Variants in BBX observed in about 807,000 individuals in gnomAD.
BBX encodes HMG box transcription factor BBX.
In BBX, 30 loss-of-function variants were observed where a neutral mutation model predicts 100.2. The observed-to-expected ratio is 0.30, with a 90% CI of 0.22 to 0.41. The LOEUF is 0.41. Among genes scored for constraint, BBX ranks in the 10% least tolerant of loss-of-function variants. The pLI is 1.00. For synonymous variants in BBX, 376 were observed against 388.1 expected (o/e 0.97, Z 0.37); for missense variants, 1,023 against 1,129.8 (o/e 0.91, Z 1.35).
At chr3:107,575,055 T>G (rs557401786) in intron 2 of BBX, among the ~76,000 whole-genome samples, 1 of 152,322 alleles carries the variant, frequency 6.6e-6, no homozygotes, top group Non-Finnish European at 1.5e-5. Context: ...AACAGCTGTT[T>G]CCACCCTTAG....
intron 3 of BBX, chr3:107,674,686 G>A (rs1004772603): frequency 3.9e-5 from 6 of 152,642 alleles, no homozygotes; most frequent in Non-Finnish European, 1.5e-5. Context: ...TTGTATAGAA[G>A]AGGAGCCAAA....
intron 6 of BBX, among the ~76,000 whole-genome samples, chr3:107,730,993 C>T (rs1227999083): frequency 6.6e-6 from 1 of 152,126 alleles, no homozygotes; most frequent in Non-Finnish European, 1.5e-5. Context: ...TAGTCCTTGT[C>T]ACATGACATT....
intron 1 of BBX, among the ~76,000 whole-genome samples, chr3:107,525,923 G>A (rs527341514): frequency 3.3e-5 from 5 of 152,306 alleles, no homozygotes; most frequent in Middle Eastern, 3.4e-3. Context: ...GGCGAGGCTC[G>A]GGCTGCCTAT....
chr3:107,565,414 T>G (rs1224613682), intron 2 of BBX, among the ~76,000 whole-genome samples: 2 of 150,798 alleles, frequency 1.3e-5, no homozygotes, highest in African/African-American at 2.4e-5. Context: ...AGTCTAATAT[T>G]TATTTCACTA....
chr3:107,562,466 ATAAG>A (rs1268838038), intron 2 of BBX, among the ~76,000 whole-genome samples: 3 of 152,184 alleles, frequency 2.0e-5, no homozygotes, highest in African/African-American at 4.8e-5. Context: ...AATTGTCTAT[ATAAG>A]TAATAAAAAT....
chr3:107,727,385 G>C (rs941384739), intron 5 of BBX, among the ~76,000 whole-genome samples: 1 of 152,100 alleles, frequency 6.6e-6, no homozygotes, highest in Non-Finnish European at 1.5e-5. Flanking sequence ...CACTGTGGTA[G>C]TGTGTCTCTT....
chr3:107,742,140 T>C (rs1396384917), intron 7 of BBX, among the ~76,000 whole-genome samples: 2 of 152,178 alleles, frequency 1.3e-5, no homozygotes, highest in African/African-American at 4.8e-5. Flanking sequence ...AATTATTGCA[T>C]TGAGCTGATG....
At position 107,805,297 on chromosome 3, in the gene BBX, G is replaced by A. The variant is rs554395233; in HGVS notation, c.2739-73G>A. On this transcript the variant is annotated intron_variant, in intron 17 of 17. Coordinates refer to ENST00000325805, the MANE Select transcript of BBX (RefSeq NM_001142568.3). ...TTAAACAAGATATTGGAACACACTT[G>A]TTATTCATCGTCCTCTCCTGTCTCT... 23 of 1,439,580 alleles carry A rather than the reference G, an allele frequency of 1.6e-5. No homozygotes were observed. In the South Asian group the frequency reaches 2.8e-4, roughly 17 times the overall value. 89.2% of individuals were successfully genotyped at this position (1,439,580 alleles called of 1,614,324 possible). A position where few individuals can be genotyped will look rare whatever the true frequency, so the allele number is the denominator to read the frequency against.
chr3:107,730,853 A>G (rs1248684098), intron 6 of BBX, among the ~76,000 whole-genome samples: 1 of 152,176 alleles, frequency 6.6e-6, no homozygotes, highest in Non-Finnish European at 1.5e-5. Context: ...TTTCAACAAG[A>G]TGAAAGCGAA....
rs1560029193 is a variant in BBX at position 107,716,661 on chromosome 3, GATGA to G, written c.220_223del (p.Glu74HisfsTer10). 2.5e-6 allele frequency: 4 copies of G among 1,613,784 alleles called. No individual in the cohort carries two copies. The South Asian group carries it at 4.4e-5, about 18-fold the overall frequency. On this transcript the variant is annotated frameshift_variant, in exon 5 of 18. Transcript: ENST00000325805. LOFTEE classifies it high-confidence loss of function. Reference sequence around the variant, plus strand: ...GCAAGATGTTGGTGAAACTGAAGATGATGAATCACCAGAGCAGCGAGCCCGGAGA... The same window carrying G: ...GCAAGATGTTGGTGAAACTGAAGATGATCACCAGAGCAGCGAGCCCGGAGA...
chr3:107,588,336 A>AG (rs200996587), intron 2 of BBX, among the ~76,000 whole-genome samples: 2 of 146,024 alleles, frequency 1.4e-5, no homozygotes, highest in East Asian at 2.2e-4. Flanking sequence ...TCACAAAGTA[A>AG]GGGGGGGCCT....
At position 107,809,099 on chromosome 3, in the gene BBX, C is replaced by T. The variant is rs1249217463; in HGVS notation, c.*3642C>T. 6.6e-6 allele frequency: 1 copy of T among 152,178 alleles called. No homozygotes were observed. The highest frequency in any genetic ancestry group is 1.5e-5 in the Non-Finnish European group (1 of 68,036). 9.4% of individuals were successfully genotyped at this position (152,178 alleles called of 1,614,324 possible). A position where few individuals can be genotyped will look rare whatever the true frequency, so the allele number is the denominator to read the frequency against. On this transcript the variant is annotated 3_prime_UTR_variant, in exon 18 of 18. Transcript: ENST00000325805. ...TAAAATTTTGTTTGCACTCTGCAGTCTTTGGCTCAATGTATGGAAATGTTT... is the reference window on the plus strand; with the variant it reads ...TAAAATTTTGTTTGCACTCTGCAGTTTTTGGCTCAATGTATGGAAATGTTT...
intron 2 of BBX, among the ~76,000 whole-genome samples, chr3:107,538,846 G>A (rs1226059144): frequency 6.6e-6 from 1 of 151,926 alleles, no homozygotes; most frequent in African/African-American, 2.4e-5. Flanking sequence ...GTGCAGTGGT[G>A]TAATCATAGC....
rs772755948 is a variant in BBX at position 107,807,085 on chromosome 3, A to C, written c.*1628A>C. On this transcript the variant is annotated 3_prime_UTR_variant, in exon 18 of 18. Transcript: ENST00000325805. The stretch of plus-strand genomic sequence containing the variant: ...TAATAGCCATACAAAAAATGACTCT[A>C]TTCATACTAGGTTTAGCTTCTCATG... 2 of 152,094 alleles carry C rather than the reference A, an allele frequency of 1.3e-5. No homozygotes were observed. Among genetic ancestry groups the C allele is most frequent in the Non-Finnish European group, 2.9e-5 (2 of 68,018 alleles). 9.4% of individuals were successfully genotyped at this position (152,094 alleles called of 1,614,324 possible).
intron 12 of BBX, among the ~76,000 whole-genome samples, chr3:107,775,331 G>A (rs1029647421): frequency 6.6e-6 from 1 of 151,934 alleles, no homozygotes; most frequent in African/African-American, 2.4e-5. Flanking sequence ...AAAAATATCA[G>A]GTCAAATATT....
At chr3:107,741,808 C>T (rs2064132037) in intron 7 of BBX, among the ~76,000 whole-genome samples, 1 of 152,144 alleles carries the variant, frequency 6.6e-6, no homozygotes, top group South Asian at 2.1e-4. Flanking sequence ...TGAATAATGA[C>T]ATTACTCAAA....
At position 107,808,706 on chromosome 3, in the gene BBX, G is replaced by A. The variant is rs1044841348; in HGVS notation, c.*3249G>A. 2.0e-5 allele frequency: 3 copies of A among 152,182 alleles called. No individual in the cohort carries two copies. Among genetic ancestry groups the A allele is most frequent in the African/African-American group, 4.8e-5 (2 of 41,452 alleles). The allele number at this position is 152,182 out of a possible 1,614,324, so 9.4% of individuals were successfully genotyped here. On this transcript the variant is annotated 3_prime_UTR_variant, in exon 18 of 18. Coordinates refer to ENST00000325805, the MANE Select transcript of BBX (RefSeq NM_001142568.3). ...GTCCCACAGCCACATTGGAAATACA[G>A]GTTCTTGTCCCCAAATTAGGTTAGT...
rs548628933 is a variant in BBX, at chr3:107,808,870, G to A, written c.*3413G>A. Reference sequence around the variant, plus strand: ...AATTCTGTCAGATGAGCTTTCTACCGATGCCATGTCCCAAAGCCATGTTAA... The same window carrying A: ...AATTCTGTCAGATGAGCTTTCTACCAATGCCATGTCCCAAAGCCATGTTAA... On this transcript the variant is annotated 3_prime_UTR_variant, in exon 18 of 18. Transcript: ENST00000325805. 27 of 152,220 alleles carry A rather than the reference G, an allele frequency of 1.8e-4. No individual in the cohort carries two copies. Among genetic ancestry groups the A allele is most frequent in the Admixed American group, 4.6e-4 (7 of 15,294 alleles). 9.4% of individuals were successfully genotyped at this position (152,220 alleles called of 1,614,324 possible).
intron 7 of BBX, among the ~76,000 whole-genome samples, chr3:107,738,756 T>C (rs2063847304): frequency 6.6e-6 from 1 of 152,184 alleles, no homozygotes; most frequent in Admixed American, 6.5e-5. Flanking sequence ...CTGAAGCTCA[T>C]CACTGCCAGA....
Sources: gnomAD v4.1 joint callset for allele counts (sites outside exome capture counted in the v4.1 genomes callset) on GRCh38, gnomAD v4.1.1 for gene constraint, MANE v1.5 for transcripts, NCBI Gene and HGNC (gene_info 2026-07-23, HGNC 2026-07-21) for gene names.